UBN1: variants seen among roughly 807,000 people sequenced by gnomAD.
UBN1 encodes ubinuclein 1.
Under a neutral mutation model 108.5 loss-of-function variants are expected in UBN1, and 17 were observed. The observed-to-expected ratio is 0.16, with a 90% CI of 0.11 to 0.24. UBN1 has a LOEUF of 0.24. UBN1 is among the 10% of genes least tolerant of loss of function. UBN1 has a pLI of 1.00. For synonymous variants in UBN1, 726 were observed against 564.2 expected (o/e 1.29, Z -4.07); for missense variants, 1,595 against 1,394.4 (o/e 1.14, Z -2.29).
intron 7 of UBN1, among the ~76,000 whole-genome samples, chr16:4,863,724 C>T (rs1278994473): frequency 1.3e-5 from 2 of 152,172 alleles, no homozygotes; most frequent in Non-Finnish European, 2.9e-5. Flanking sequence ...CAAAATTTGC[C>T]TTGTCATAGC....
chr16:4,851,104 T>C (rs2142104221), intron 1 of UBN1, among the ~76,000 whole-genome samples: 1 of 152,350 alleles, frequency 6.6e-6, no homozygotes, highest in Middle Eastern at 3.4e-3. Context: ...AAGGATTGTT[T>C]AGTGATTGAT....
At chr16:4,849,453 G>A (rs532016886) in intron 1 of UBN1, among the ~76,000 whole-genome samples, 4 of 151,928 alleles carry the variant, frequency 2.6e-5, no homozygotes, top group African/African-American at 9.7e-5. Flanking sequence ...TAACCAGTTT[G>A]AAAATACAAT....
At position 4,870,477 on chromosome 16, in the gene UBN1, T is replaced by C. The variant is rs531047626; in HGVS notation, c.1312-39T>C. 8 of 1,613,626 alleles carry C rather than the reference T, an allele frequency of 5.0e-6. No individual in the cohort carries two copies. The Admixed American group carries it at 5.0e-5, about 10-fold the overall frequency. ...TCATGCGTCCTGAGCGTAAGAGCGA[T>C]GTGTAAACCTGCCTTGAATTGTGTC... On this transcript the variant is annotated intron_variant, in intron 9 of 17. Coordinates refer to ENST00000262376, the MANE Select transcript of UBN1 (RefSeq NM_001079514.3).
Position 4,850,529 on chromosome 16 carries a change from G to A in UBN1, c.-40+2319G>A, listed in dbSNP as rs893573165. Among the ~76,000 whole-genome samples the A allele has an allele frequency of 2.0e-5, 3 of 152,158 alleles. 1 individual carries two copies. Among genetic ancestry groups the A allele is most frequent in the South Asian group, 4.1e-4 (2 of 4,832 alleles). ...CTGGGATTTATTTCCACAACCCAGC[G>A]CATCACAAATATCCTGAGGGCCTTG... On this transcript the variant is annotated intron_variant, in intron 1 of 17. Transcript: ENST00000262376.
In UBN1 at chr16:4,875,076, C is replaced by T; in HGVS notation, c.2666C>T (p.Pro889Leu). ...TCTGCCCTGAGCCATCCAGCAAAGCCACATTCAGTCAGCTCTGCAGGCTCA... is the reference window on the plus strand; with the variant it reads ...TCTGCCCTGAGCCATCCAGCAAAGCTACATTCAGTCAGCTCTGCAGGCTCA... ...SSSALSHPAK[P>L]HSVSSAGSSY... The change falls in exon 15 of 18, where the codon CCA becomes CTA. Residue 889 changes from proline to leucine, a missense_variant. This residue lies in a region of UBN1 where 1,398 missense variants were observed against 1,194.7 expected (regional missense o/e 1.17). Transcript: ENST00000262376. 9.3e-6 allele frequency: 15 copies of T among 1,614,108 alleles called. No individual in the cohort carries two copies. The highest frequency in any genetic ancestry group is 1.3e-5 in the Non-Finnish European group (15 of 1,180,058).
intron 2 of UBN1, among the ~76,000 whole-genome samples, chr16:4,853,418 G>A (rs950288425): frequency 2.6e-5 from 4 of 152,154 alleles, no homozygotes; most frequent in South Asian, 2.1e-4. Context: ...GGTTATAAAC[G>A]TTATGTGTAA....
chr16:4,858,223 A>C, intron 3 of UBN1, 147 bp downstream of exon 3: 1 of 695,166 alleles, frequency 1.4e-6, no homozygotes, highest in Admixed American at 2.7e-5. Flanking sequence ...TATTAAACCT[A>C]ACGCATTAAG....
chr16:4,872,581 G>C (rs1467777972), intron 12 of UBN1, among the ~76,000 whole-genome samples: 1 of 152,196 alleles, frequency 6.6e-6, no homozygotes, highest in Admixed American at 6.5e-5. Context: ...CGAATCTCCT[G>C]CCTCAGCCTC....
intron 8 of UBN1, among the ~76,000 whole-genome samples, chr16:4,869,180 A>G (rs2087483707): frequency 2.0e-5 from 3 of 152,198 alleles, no homozygotes; most frequent in South Asian, 4.1e-4. Context: ...CTGTTAGAAG[A>G]GGATTTCTTG....
chr16:4,857,266 C>T (rs1476025949), intron 2 of UBN1, among the ~76,000 whole-genome samples: 1 of 151,568 alleles, frequency 6.6e-6, no homozygotes. Flanking sequence ...AGGAGGATCA[C>T]CCGAGCCTGG....
rs1027658558 is a variant in UBN1 at position 4,853,124 on chromosome 16, G to A, written c.207G>A (p.Lys69=). The part of the protein sequence containing the change: ...CPEFFYPELV[K]NIRGKVKGLQ... ...AGTTCTTCTACCCAGAGCTGGTGAA[G>A]AATATCCGAGGGAAGGTAAAAGGCC... The change falls in exon 2 of 18, where the codon AAG becomes AAA. Residue 69 remains lysine (K), a synonymous_variant. Transcript: ENST00000262376. 2.5e-6 allele frequency: 4 copies of A among 1,614,108 alleles called. No individual in the cohort carries two copies. Among genetic ancestry groups the A allele is most frequent in the Middle Eastern group, 1.6e-4 (1 of 6,084 alleles).
Position 4,874,772 on chromosome 16 carries a change from C to T in UBN1, c.2362C>T (p.Arg788Trp), listed in dbSNP as rs1278829323. The T allele has an allele frequency of 2.5e-6, 4 of 1,613,968 alleles. No homozygotes were observed. Among genetic ancestry groups the T allele is most frequent in the Admixed American group, 1.7e-5 (1 of 60,006 alleles). The change falls in exon 15 of 18, where the codon CGG becomes TGG. Residue 788 changes from arginine to tryptophan, a missense_variant. Transcript: ENST00000262376. ...QSKAKHHSLP[R>W]TSHGPQVAVP... is the part of the protein sequence containing the mutation. ...CAAAGCTAAGCACCACAGCTTGCCA[C>T]GGACGTCTCACGGGCCCCAAGTGGC...
Position 4,862,470 on chromosome 16 carries a change from G to C in UBN1, c.1110+1368G>C, listed in dbSNP as rs148052532. On this transcript the variant is annotated intron_variant, in intron 7 of 17. Transcript: ENST00000262376. ...TTAGTATGACATTGAGGTGGAAGTA[G>C]CTGAATCTGAACTTGGTGTTTTTGA... 3.9e-3 allele frequency among the ~76,000 whole-genome samples: 600 copies of C among 152,336 alleles called. 2 individuals are homozygous for C. The highest frequency in any genetic ancestry group is 0.014 in the African/African-American group (571 of 41,574).
chr16:4,863,626 T>TC (rs895110549), intron 7 of UBN1, among the ~76,000 whole-genome samples: 12 of 152,174 alleles, frequency 7.9e-5, no homozygotes, highest in African/African-American at 2.9e-4. Context: ...CCCCCCCTTT[T>TC]CCCTCTATTA....
At chr16:4,871,792 T>C (rs1415122616) in intron 12 of UBN1, among the ~76,000 whole-genome samples, 1 of 152,046 alleles carries the variant, frequency 6.6e-6, no homozygotes, top group Non-Finnish European at 1.5e-5. Context: ...TTCACCGTGT[T>C]AGCCAGGATG....
chr16:4,878,263 C>G (rs1391571435), intron 17 of UBN1, among the ~76,000 whole-genome samples: 4 of 152,168 alleles, frequency 2.6e-5, no homozygotes, highest in Non-Finnish European at 5.9e-5. Context: ...GGTGTCTCAG[C>G]TTTGACCTAG....
intron 10 of UBN1, 89 bp from the exon 11 acceptor site, chr16:4,870,755 T>C: frequency 2.5e-6 from 4 of 1,592,040 alleles, no homozygotes; most frequent in Non-Finnish European, 3.4e-6. Flanking sequence ...CTTTTCTCCT[T>C]CTCTGTGAAG....
intron 7 of UBN1, among the ~76,000 whole-genome samples, chr16:4,867,878 C>G (rs1006910750): frequency 7.9e-5 from 12 of 152,160 alleles, no homozygotes; most frequent in African/African-American, 2.9e-4. Context: ...TATATCATGT[C>G]TGATTTCAGA....
Position 4,850,360 on chromosome 16 carries a change from G to A in UBN1, c.-40+2150G>A, listed in dbSNP as rs192007572. On this transcript the variant is annotated intron_variant, in intron 1 of 17. Transcript: ENST00000262376. The stretch of plus-strand genomic sequence containing the variant: ...CAGACTTGGACTGAGATAAGGTTAT[G>A]TGTTTACTGCCTGGACAGGGGGAGT... Among the ~76,000 whole-genome samples, 4 of 152,326 alleles carry A rather than the reference G, an allele frequency of 2.6e-5. No homozygotes were observed. In the East Asian group the frequency reaches 5.8e-4, roughly 22 times the overall value.
Sources: gnomAD v4.1 joint callset for allele counts (sites outside exome capture counted in the v4.1 genomes callset) on GRCh38, gnomAD v4.1.1 for gene constraint, gnomAD v4.1.1 regional missense constraint, MANE v1.5 for transcripts, NCBI Gene and HGNC (gene_info 2026-07-23, HGNC 2026-07-21) for gene names.